The following ANKRD26 variants were observed in gnomAD, a reference collection of about 807,000 sequenced individuals.
The protein encoded by ANKRD26 is ankyrin repeat domain-containing protein 26.
In ANKRD26, 141 loss-of-function variants were observed where a neutral mutation model predicts 208.7. The ratio of observed to expected loss-of-function variants is 0.68; its 90% CI spans 0.59 to 0.78. ANKRD26 has a LOEUF of 0.78. Among genes scored for constraint, ANKRD26 ranks in the 30% least tolerant of loss-of-function variants. The probability of loss-of-function intolerance (pLI) is 0.00; values close to 1 mark genes in which losing one functional copy is unlikely to be tolerated. For synonymous variants in ANKRD26, 636 were observed against 660.4 expected, an observed-to-expected ratio of 0.96 and a Z score of 0.57; for missense variants, 1,889 against 1,938.7, an observed-to-expected ratio of 0.97 and a Z score of 0.48.
At chr10:26,978,524 T>C (rs1476301243) in intron 5 of ANKRD26, among the ~76,000 whole-genome samples, 1 of 152,208 alleles carries the variant, frequency 6.6e-6, no homozygotes, top group Non-Finnish European at 1.5e-5. Flanking sequence ...TGTTTTGAGT[T>C]GCTGGTCATT....
At chr10:27,055,008 A>C (rs912814406) in intron 15 of ANKRD26, among the ~76,000 whole-genome samples, 2 of 152,212 alleles carry the variant, frequency 1.3e-5, no homozygotes, top group Non-Finnish European at 2.9e-5. Context: ...AAGGGAGATT[A>C]ATTAGAAGAC....
At chr10:26,960,989 C>T in the ANKRD26 span, among the ~76,000 whole-genome samples, 2 of 148,824 alleles carry the variant, frequency 1.3e-5, no homozygotes, top group African/African-American at 2.5e-5. Context: ...GAGGCTGAGA[C>T]GGGCAGATCA....
the ANKRD26 span, among the ~76,000 whole-genome samples, chr10:26,948,530 T>G: frequency 6.6e-6 from 1 of 152,228 alleles, no homozygotes; most frequent in Admixed American, 6.5e-5. Flanking sequence ...AATCCCTCAT[T>G]TGGTAATAAT....
chr10:26,973,313 C>T (rs1340313344), downstream of ANKRD26, among the ~76,000 whole-genome samples: 1 of 152,034 alleles, frequency 6.6e-6, no homozygotes, highest in Non-Finnish European at 1.5e-5. Context: ...AGATTGTTAC[C>T]TACCTAATAA....
intron 4 of ANKRD26, among the ~76,000 whole-genome samples, chr10:27,091,433 C>A (rs2056296687): frequency 6.6e-6 from 1 of 151,894 alleles, no homozygotes; most frequent in South Asian, 2.1e-4. Context: ...TCCCTTTGCC[C>A]ATACCAATTA....
chr10:27,088,107 T>C (rs929379386), intron 4 of ANKRD26, among the ~76,000 whole-genome samples: 1 of 152,174 alleles, frequency 6.6e-6, no homozygotes, highest in African/African-American at 2.4e-5. Context: ...TTAAGTTCCA[T>C]GAAGGAGATG....
intron 17 of ANKRD26, among the ~76,000 whole-genome samples, chr10:27,047,775 G>A (rs993193411): frequency 2.7e-5 from 4 of 149,754 alleles, no homozygotes; most frequent in Admixed American, 6.7e-5. Context: ...ATGGAGTCTC[G>A]CCCTGTCACC....
chr10:27,081,850 T>A (rs757695079), intron 6 of ANKRD26, among the ~76,000 whole-genome samples: 3 of 151,916 alleles, frequency 2.0e-5, no homozygotes, highest in African/African-American at 7.2e-5. Flanking sequence ...CCATTCTCCT[T>A]TCTCAGCCTC....
chr10:27,049,269 C>T (rs543574422), intron 16 of ANKRD26, among the ~76,000 whole-genome samples: 1 of 152,154 alleles, frequency 6.6e-6, no homozygotes, highest in South Asian at 2.1e-4. Context: ...CTTTTATTCC[C>T]ATCCAATCTT....
At chr10:26,958,750 AAAC>A in the ANKRD26 span, among the ~76,000 whole-genome samples, 1 of 148,886 alleles carries the variant, frequency 6.7e-6, no homozygotes, top group African/African-American at 2.4e-5. Context: ...TCTCTATTGT[AAAC>A]AGTGCTGCAA....
chr10:27,006,851 A>C lies in ANKRD26; in HGVS notation c.4999+66T>G. On this transcript the variant is annotated intron_variant, in intron 33 of 33. Coordinates refer to ENST00000376087, the MANE Select transcript of ANKRD26 (RefSeq NM_014915.3). ...ACAATGGAAAGGGATCCCACTCACG[A>C]TTTACAATTTATTTCAGAAATCAAT... 6.1e-6 allele frequency: 8 copies of C among 1,318,044 alleles called. No homozygotes were observed. The South Asian group carries it at 9.5e-5, about 16-fold the overall frequency. 81.6% of individuals were successfully genotyped at this position (1,318,044 alleles called of 1,614,324 possible).
downstream of ANKRD26, among the ~76,000 whole-genome samples, chr10:26,972,104 G>T (rs6482584): frequency 6.6e-6 from 1 of 151,606 alleles, no homozygotes; most frequent in Non-Finnish European, 1.5e-5. Context: ...GCGTGGTGGC[G>T]GGCGCCTGTA....
intron 5 of ANKRD26, among the ~76,000 whole-genome samples, chr10:27,083,130 GC>G (rs2055988806): frequency 6.6e-6 from 1 of 152,096 alleles, no homozygotes; most frequent in Middle Eastern, 3.4e-3. Flanking sequence ...ATTTCTCTCT[GC>G]CCCCTAACTT....
chr10:27,077,783 T>G, intron 7 of ANKRD26, 90 bp from the exon 8 acceptor site: 1 of 1,146,728 alleles, frequency 8.7e-7, no homozygotes, highest in East Asian at 2.5e-5. Flanking sequence ...CATTACTACA[T>G]GATCTAACAC....
chr10:27,019,697 T>C (rs1348657084), intron 29 of ANKRD26, among the ~76,000 whole-genome samples: 2 of 152,240 alleles, frequency 1.3e-5, no homozygotes, highest in African/African-American at 4.8e-5. Context: ...TGCTTAACAT[T>C]GTTTGCCATG....
At chr10:26,966,986 C>A in the ANKRD26 span, among the ~76,000 whole-genome samples, 1 of 152,150 alleles carries the variant, frequency 6.6e-6, no homozygotes, top group Non-Finnish European at 1.5e-5. Context: ...ATTAAGATAT[C>A]CATCTCGTCT....
At chr10:27,003,052 T>C (rs1272148067), downstream of ANKRD26, among the ~76,000 whole-genome samples, 1 of 152,256 alleles carries the variant, frequency 6.6e-6, no homozygotes, top group Non-Finnish European at 1.5e-5. Flanking sequence ...ACGTTATGTT[T>C]TATTTGTATC....
chr10:27,002,508 T>C (rs2052747501), downstream of ANKRD26, among the ~76,000 whole-genome samples: 1 of 151,990 alleles, frequency 6.6e-6, no homozygotes, highest in Non-Finnish European at 1.5e-5. Flanking sequence ...AGAGTGAGGG[T>C]GGGTGTATGT....
Position 27,024,563 on chromosome 10 carries a change from T to C in ANKRD26, c.3973-4A>G. On this transcript the variant is annotated splice_polypyrimidine_tract_variant and splice_region_variant and intron_variant, in intron 27 of 33. Coordinates refer to ENST00000376087, the MANE Select transcript of ANKRD26 (RefSeq NM_014915.3). ...ATTGTTCCTTTTCATCTTCAGACTT[T>C]GAAACAAAATATTTTCAATTACTTT... 6.9e-7 allele frequency: 1 copy of C among 1,443,010 alleles called. No individual in the cohort carries two copies. Among genetic ancestry groups the C allele is most frequent in the Non-Finnish European group, 9.7e-7 (1 of 1,028,510 alleles). The allele number at this position is 1,443,010 out of a possible 1,614,324, so 89.4% of individuals were successfully genotyped here.
Sources: allele counts gnomAD v4.1 joint callset (sites outside exome capture counted in the v4.1 genomes callset), GRCh38; gene constraint gnomAD v4.1.1; transcripts MANE v1.5; gene names NCBI Gene and HGNC (gene_info 2026-07-23, HGNC 2026-07-21).